Variants in TANC2 observed in about 807,000 individuals in gnomAD.
TANC2 encodes the protein tetratricopeptide repeat, ankyrin repeat and coiled-coil containing 2, also known as protein TANC2.
In TANC2, 26 loss-of-function variants were observed where a neutral mutation model predicts 210.5. That is an observed-to-expected ratio of 0.12 (90% confidence interval 0.09 to 0.17). TANC2 has a LOEUF of 0.17. Among genes scored for constraint, TANC2 ranks in the 10% least tolerant of loss-of-function variants. The probability of loss-of-function intolerance (pLI) is 1.00; values close to 1 mark genes in which losing one functional copy is unlikely to be tolerated. For missense variants in TANC2, 2,129 were observed against 2,608.9 expected (o/e 0.82, Z 4.01); for synonymous variants, 931 against 967.1 (o/e 0.96, Z 0.69).
intron 8 of TANC2, among the ~76,000 whole-genome samples, chr17:63,258,041 G>A (rs927812056): frequency 6.6e-6 from 1 of 152,196 alleles, no homozygotes; most frequent in Admixed American, 6.5e-5. Context: ...GCACAGGTCT[G>A]ATGTTAATTA....
intron 7 of TANC2, among the ~76,000 whole-genome samples, chr17:63,202,063 G>C (rs1461013938): frequency 6.6e-6 from 1 of 152,200 alleles, no homozygotes; most frequent in East Asian, 1.9e-4. Context: ...CTTATAGTTA[G>C]GTATGGAGAT....
intron 5 of TANC2, among the ~76,000 whole-genome samples, chr17:63,162,840 A>G (rs900278288): frequency 6.6e-6 from 1 of 152,008 alleles, no homozygotes; most frequent in Non-Finnish European, 1.5e-5. Flanking sequence ...CCGAGAGTGA[A>G]TGGATTAGGG....
chr17:63,076,867 A>C (rs1441561177), intron 3 of TANC2, among the ~76,000 whole-genome samples: 1 of 152,188 alleles, frequency 6.6e-6, no homozygotes, highest in Non-Finnish European at 1.5e-5. Context: ...GCAAAAGGAC[A>C]AAAATAAGAA....
At chr17:63,049,837 G>A (rs1290535352) in intron 2 of TANC2, among the ~76,000 whole-genome samples, 2 of 152,176 alleles carry the variant, frequency 1.3e-5, no homozygotes, top group Non-Finnish European at 2.9e-5. Flanking sequence ...CAGAGGGTGA[G>A]AAGTAGTTTG....
intron 14 of TANC2, among the ~76,000 whole-genome samples, chr17:63,360,475 T>A (rs1197312260): frequency 6.6e-6 from 1 of 151,770 alleles, no homozygotes; most frequent in Admixed American, 6.6e-5. Context: ...ACACTTTCAA[T>A]TTTTTTTTAA....
At chr17:63,399,353 A>G (rs1383156661) in intron 19 of TANC2, 3 of 152,838 alleles carry the variant, frequency 2.0e-5, no homozygotes, top group Non-Finnish European at 2.9e-5. Context: ...GGCTTAACCA[A>G]ATGTTACTGT....
intron 12 of TANC2, among the ~76,000 whole-genome samples, chr17:63,350,294 T>C (rs1010516139): frequency 6.6e-6 from 1 of 152,186 alleles, no homozygotes; most frequent in African/African-American, 2.4e-5. Flanking sequence ...GATGACTGCT[T>C]GCCCTCTTCC....
At chr17:62,999,284 T>A (rs1219663230) in intron 1 of TANC2, among the ~76,000 whole-genome samples, 1 of 152,212 alleles carries the variant, frequency 6.6e-6, no homozygotes, top group Non-Finnish European at 1.5e-5. Flanking sequence ...AAAAGCTTCC[T>A]GAGGCCTCCC....
chr17:63,422,675 ATT>A (rs1449547203), exon 28 of TANC2: 1 of 152,236 alleles, frequency 6.6e-6, no homozygotes, highest in Non-Finnish European at 1.5e-5. Context: ...AGCCAAGGAA[ATT>A]AGATGAGAAT....
chr17:63,040,734 A>C (rs1208582006), intron 2 of TANC2, among the ~76,000 whole-genome samples: 1 of 152,118 alleles, frequency 6.6e-6, no homozygotes, highest in Admixed American at 6.6e-5. Flanking sequence ...GCAGAGAGAG[A>C]TAGAGAATAT....
chr17:63,100,029 T>C (rs2037563634), intron 4 of TANC2, among the ~76,000 whole-genome samples: 1 of 152,188 alleles, frequency 6.6e-6, no homozygotes, highest in East Asian at 1.9e-4. Context: ...TGTGAAAATA[T>C]GTAATCCTGG....
chr17:63,095,380 A>C (rs917963394), intron 3 of TANC2, among the ~76,000 whole-genome samples: 2 of 152,110 alleles, frequency 1.3e-5, no homozygotes, highest in African/African-American at 4.8e-5. Context: ...ATTGTTGCCC[A>C]CATCGATCTC....
chr17:63,300,842 C>T (rs536743384), intron 9 of TANC2, among the ~76,000 whole-genome samples: 5 of 152,294 alleles, frequency 3.3e-5, no homozygotes, highest in African/African-American at 1.2e-4. Flanking sequence ...GAGAGGGCAT[C>T]CTTGTCTTGT....
exon 8 of TANC2, chr17:63,238,053 A>G (rs767556585): frequency 4.6e-6 from 7 of 1,534,944 alleles, no homozygotes; most frequent in Non-Finnish European, 5.3e-6. Flanking sequence ...TTTGTATCTC[A>G]TGCCACGGCC....
intron 14 of TANC2, among the ~76,000 whole-genome samples, chr17:63,362,392 T>A (rs1006253983): frequency 6.6e-6 from 1 of 152,104 alleles, no homozygotes; most frequent in South Asian, 2.1e-4. Context: ...CCAGCCCCCA[T>A]GCTTCAGGCC....
At chr17:63,380,634 C>G (rs1261402182) in intron 15 of TANC2, among the ~76,000 whole-genome samples, 1 of 152,214 alleles carries the variant, frequency 6.6e-6, no homozygotes, top group Non-Finnish European at 1.5e-5. Flanking sequence ...TTTCAGAATT[C>G]TTTTCCTGCC....
chr17:62,988,963 G>A (rs564339067), intron 1 of TANC2, among the ~76,000 whole-genome samples: 3 of 152,286 alleles, frequency 2.0e-5, no homozygotes, highest in South Asian at 2.1e-4. Context: ...CTTTATTTCT[G>A]GGATGTGAAA....
chr17:63,228,052 C>G (rs773685880), intron 7 of TANC2, among the ~76,000 whole-genome samples: 1 of 151,700 alleles, frequency 6.6e-6, no homozygotes, highest in East Asian at 1.9e-4. Context: ...TTAGTAGAGA[C>G]GGGTTTCACT....
chr17:63,075,993 A>G (rs2036559141), intron 3 of TANC2, among the ~76,000 whole-genome samples: 1 of 152,194 alleles, frequency 6.6e-6, no homozygotes, highest in South Asian at 2.1e-4. Flanking sequence ...ACTGGAGAGT[A>G]TATGAATAAT....
Sources: gnomAD v4.1 joint callset for allele counts (sites outside exome capture counted in the v4.1 genomes callset) on GRCh38, gnomAD v4.1.1 for gene constraint, MANE v1.5 for transcripts, NCBI Gene and HGNC (gene_info 2026-07-23, HGNC 2026-07-21) for gene names.